The following MED27 variants were observed in gnomAD, a reference collection of about 807,000 sequenced individuals.
MED27 encodes the protein mediator complex subunit 27.
In MED27, 30 loss-of-function variants were observed where a neutral mutation model predicts 38.2. The ratio of observed to expected loss-of-function variants is 0.79; its 90% CI spans 0.59 to 1.07. MED27 has a LOEUF of 1.07. Ranked by LOEUF, MED27 falls within the 50% of genes least tolerant of loss-of-function variation. The pLI is 0.00. For missense variants in MED27, 289 were observed against 397.5 expected, an observed-to-expected ratio of 0.73 and a Z score of 2.32; for synonymous variants, 122 against 153.5, an observed-to-expected ratio of 0.79 and a Z score of 1.52.
intron 2 of MED27, among the ~76,000 whole-genome samples, chr9:132,065,719 G>T (rs1002300672): frequency 1.3e-5 from 2 of 152,190 alleles, no homozygotes; most frequent in Non-Finnish European, 2.9e-5. Context: ...GCCCCATATG[G>T]CTGTCTGTGG....
intron 3 of MED27, among the ~76,000 whole-genome samples, chr9:132,004,861 C>G (rs1832323407): frequency 6.6e-6 from 1 of 152,198 alleles, no homozygotes; most frequent in Non-Finnish European, 1.5e-5. Context: ...GCCTTCAGGA[C>G]TCATTCATTC....
intron 3 of MED27, among the ~76,000 whole-genome samples, chr9:131,998,629 T>C (rs536483495): frequency 5.9e-5 from 9 of 152,342 alleles, no homozygotes; most frequent in East Asian, 1.9e-4. Flanking sequence ...ACTGAATTAA[T>C]TGGTCATAGG....
At chr9:131,894,062 A>G in intron 4 of MED27, 70 bp from the exon 5 acceptor site, 2 of 1,168,364 alleles carry the variant, frequency 1.7e-6, no homozygotes, top group Non-Finnish European at 2.6e-6. Context: ...GTGTGAGAAG[A>G]AATGACCACC....
chr9:131,887,976 C>A (rs1000570026), intron 5 of MED27, among the ~76,000 whole-genome samples: 1 of 152,116 alleles, frequency 6.6e-6, no homozygotes, highest in Non-Finnish European at 1.5e-5. Flanking sequence ...AGCACAGACA[C>A]GTCTGTTCTC....
At chr9:131,879,368 G>T (rs1838995643) in intron 6 of MED27, among the ~76,000 whole-genome samples, 2 of 152,204 alleles carry the variant, frequency 1.3e-5, no homozygotes, top group African/African-American at 4.8e-5. Context: ...GTTCTGGGCT[G>T]GCCACAGCTG....
chr9:131,877,212 T>C (rs1179582918), intron 6 of MED27, among the ~76,000 whole-genome samples: 2 of 152,194 alleles, frequency 1.3e-5, no homozygotes, highest in African/African-American at 4.8e-5. Flanking sequence ...TCTGTGGCAT[T>C]TGAAGAGAGG....
rs1314636368 is a variant in MED27 at position 131,869,102 on chromosome 9, G to A, written c.724-5962C>T. 7 of 985,394 alleles carry A rather than the reference G, an allele frequency of 7.1e-6. No homozygotes were observed. In the African/African-American group the frequency reaches 1.2e-4, roughly 17 times the overall value. The allele number at this position is 985,394 out of a possible 1,614,324, so 61.0% of individuals were successfully genotyped here. On this transcript the variant is annotated intron_variant, in intron 6 of 7. Transcript: ENST00000292035. ...AGTGCTGGCAGCTTTTTCCAGCGCT[G>A]ATGCAATCACTTGATTTCTTCAATT...
chr9:131,878,200 G>A (rs367726271), intron 6 of MED27, among the ~76,000 whole-genome samples: 18 of 151,960 alleles, frequency 1.2e-4, no homozygotes, highest in African/African-American at 4.1e-4. Flanking sequence ...TTGAACCTGG[G>A]AAGTGGAGGT....
intron 3 of MED27, among the ~76,000 whole-genome samples, chr9:131,994,325 T>C (rs1039752857): frequency 6.6e-6 from 1 of 152,034 alleles, no homozygotes; most frequent in South Asian, 2.1e-4. Flanking sequence ...TCTACCAGAG[T>C]AGGGAAGGCC....
intron 2 of MED27, among the ~76,000 whole-genome samples, chr9:132,052,207 T>C (rs1305751880): frequency 2.0e-5 from 3 of 152,192 alleles, no homozygotes; most frequent in African/African-American, 7.2e-5. Flanking sequence ...TTCTTGTACA[T>C]TTCCTTTAAG....
At chr9:131,902,020 C>CG (rs1166861164) in intron 4 of MED27, among the ~76,000 whole-genome samples, 1 of 152,180 alleles carries the variant, frequency 6.6e-6, no homozygotes, top group Non-Finnish European at 1.5e-5. Context: ...ATGCAAATCA[C>CG]AAGCAATGGT....
At chr9:132,041,602 CCATGTGTGTTGTGA>C (rs1270334576) in intron 2 of MED27, among the ~76,000 whole-genome samples, 2 of 152,120 alleles carry the variant, frequency 1.3e-5, no homozygotes, top group Non-Finnish European at 2.9e-5. Context: ...CCTGCAGTGC[CCATGTGTGTTGTGA>C]CAAAGCTCGA....
chr9:132,012,381 T>C (rs1832503660), intron 3 of MED27, among the ~76,000 whole-genome samples: 1 of 152,242 alleles, frequency 6.6e-6, no homozygotes, highest in African/African-American at 2.4e-5. Flanking sequence ...GCTGTCCCTG[T>C]AGTGACCTTC....
At chr9:131,948,021 C>A (rs1377935730) in intron 3 of MED27, among the ~76,000 whole-genome samples, 1 of 152,158 alleles carries the variant, frequency 6.6e-6, no homozygotes, top group East Asian at 1.9e-4. Flanking sequence ...TGTTTAATTA[C>A]TTCAGGAGAT....
chr9:132,049,758 G>A (rs1042189155), intron 2 of MED27, among the ~76,000 whole-genome samples: 1 of 152,114 alleles, frequency 6.6e-6, no homozygotes, highest in African/African-American at 2.4e-5. Context: ...CCCACCAACT[G>A]TCTGCGAGAC....
chr9:131,906,295 TGG>T (rs2131527086), intron 4 of MED27, among the ~76,000 whole-genome samples: 1 of 152,290 alleles, frequency 6.6e-6, no homozygotes, highest in Non-Finnish European at 1.5e-5. Context: ...TTGGTCCGTA[TGG>T]GGCTGTGAAG....
chr9:132,028,049 G>A (rs184141227), intron 2 of MED27, among the ~76,000 whole-genome samples: 8 of 152,238 alleles, frequency 5.3e-5, no homozygotes, highest in Admixed American at 2.0e-4. Flanking sequence ...GACAACCTAC[G>A]TGCTCCGGCC....
At position 131,870,383 on chromosome 9, in the gene MED27, G is replaced by A. The variant is rs543804609; in HGVS notation, c.724-7243C>T. Reference sequence around the variant, plus strand: ...ACTGACATACAGACCTCAAGTGTACGACGCATGGCAAGCGCCCGCCAAATG... The same window carrying A: ...ACTGACATACAGACCTCAAGTGTACAACGCATGGCAAGCGCCCGCCAAATG... On this transcript the variant is annotated intron_variant, in intron 6 of 7. Coordinates refer to ENST00000292035, the MANE Select transcript of MED27 (RefSeq NM_004269.4). Among the ~76,000 whole-genome samples the A allele has an allele frequency of 5.3e-5, 8 of 152,164 alleles. No homozygotes were observed. The South Asian group carries it at 1.4e-3, about 28-fold the overall frequency.
At chr9:132,018,905 C>T (rs542825563) in intron 2 of MED27, among the ~76,000 whole-genome samples, 1 of 105,538 alleles carries the variant, frequency 9.5e-6, no homozygotes, top group Admixed American at 9.8e-5. Flanking sequence ...AGTTATGATT[C>T]ACTTTATTTT....
Sources: allele counts gnomAD v4.1 joint callset (sites outside exome capture counted in the v4.1 genomes callset), GRCh38; gene constraint gnomAD v4.1.1; transcripts MANE v1.5; gene names NCBI Gene and HGNC (gene_info 2026-07-23, HGNC 2026-07-21).